Variants in SVEP1 observed in about 807,000 individuals in gnomAD.
The protein encoded by SVEP1 is sushi, von Willebrand factor type A, EGF and pentraxin domain-containing protein 1.
SVEP1 carries 164 observed loss-of-function variants against 367.3 expected under a neutral mutation model. That is an observed-to-expected ratio of 0.45 (90% confidence interval 0.39 to 0.51). The LOEUF (loss-of-function observed/expected upper bound fraction) is 0.51, where lower values mean the gene tolerates loss of function less well. SVEP1 is among the 20% of genes least tolerant of loss of function. The pLI is 0.00. For missense variants in SVEP1, 4,117 were observed against 4,425.3 expected (o/e 0.93, Z 1.98); for synonymous variants, 1,666 against 1,611.6 (o/e 1.03, Z -0.81).
In SVEP1 at chr9:110,448,168, C is replaced by T. The variant is rs575305768; in HGVS notation, c.4104-1111G>A. 9.3e-3 allele frequency among the ~76,000 whole-genome samples: 546 copies of T among 58,734 alleles called. 3 individuals carry two copies. The highest frequency in any genetic ancestry group is 0.012 in the Non-Finnish European group (394 of 33,690). 38.5% of individuals were successfully genotyped at this position (58,734 alleles called of 152,430 possible). A position where few individuals can be genotyped will look rare whatever the true frequency, so the allele number is the denominator to read the frequency against. On this transcript the variant is annotated intron_variant, in intron 24 of 47. Transcript: ENST00000374469. ...GTGTGTGCGCGTGTGTGTGTGCGCGCGCTCGCGCGTGTGTATGCATGTGTC... is the reference window on the plus strand; with the variant it reads ...GTGTGTGCGCGTGTGTGTGTGCGCGTGCTCGCGCGTGTGTATGCATGTGTC...
chr9:110,454,612 G>A (rs1350341976), intron 22 of SVEP1, among the ~76,000 whole-genome samples: 2 of 152,138 alleles, frequency 1.3e-5, no homozygotes, highest in Non-Finnish European at 2.9e-5. Context: ...ATACATCATC[G>A]AATATTATGT....
At chr9:110,519,045 G>C (rs1475147792) in intron 3 of SVEP1, among the ~76,000 whole-genome samples, 3 of 152,170 alleles carry the variant, frequency 2.0e-5, no homozygotes, top group African/African-American at 7.2e-5. Context: ...AGATCAACTA[G>C]TGCCTAGTTT....
chr9:110,389,318 C>A lies in SVEP1; in HGVS notation c.9886+206G>T, dbSNP rs547285918. On this transcript the variant is annotated intron_variant, in intron 41 of 47. Coordinates refer to ENST00000374469, the MANE Select transcript of SVEP1 (RefSeq NM_153366.4). ...GAGTCAGTAATCTTGTGTCCTATTG[C>A]AGTTAATTGTTAATCCCTACTACAG... Among the ~76,000 whole-genome samples the A allele has an allele frequency of 2.0e-4, 31 of 152,200 alleles. No individual in the cohort carries two copies. The Middle Eastern group carries it at 0.02, about 100-fold the overall frequency.
At chr9:110,501,645 A>G (rs1212921856) in intron 6 of SVEP1, among the ~76,000 whole-genome samples, 1 of 152,164 alleles carries the variant, frequency 6.6e-6, no homozygotes, top group Non-Finnish European at 1.5e-5. Context: ...GCCAAATTTG[A>G]TAAGACTGTC....
intron 3 of SVEP1, among the ~76,000 whole-genome samples, chr9:110,518,036 G>C (rs549502901): frequency 6.6e-6 from 1 of 152,236 alleles, no homozygotes; most frequent in East Asian, 1.9e-4. Context: ...ATTCATGAGA[G>C]AATTATCAGG....
intron 12 of SVEP1, among the ~76,000 whole-genome samples, chr9:110,480,887 G>T (rs1008026696): frequency 6.6e-6 from 1 of 151,906 alleles, no homozygotes; most frequent in East Asian, 1.9e-4. Context: ...CTTCCAAAAT[G>T]CTGGGATTAC....
At chr9:110,478,272 C>T (rs893875030) in intron 13 of SVEP1, among the ~76,000 whole-genome samples, 10 of 152,206 alleles carry the variant, frequency 6.6e-5, no homozygotes, top group Admixed American at 2.6e-4. Flanking sequence ...CGCCATCTGA[C>T]ATGCTACATA....
chr9:110,481,078 T>C (rs148917339), intron 12 of SVEP1, among the ~76,000 whole-genome samples, 164 bp downstream of exon 12: 1 of 152,366 alleles, frequency 6.6e-6, no homozygotes, highest in African/African-American at 2.4e-5. Flanking sequence ...TAGTGACTAA[T>C]ATTTTAAATC....
intron 21 of SVEP1, 66 bp downstream of exon 21, chr9:110,457,190 G>C: frequency 7.7e-7 from 1 of 1,303,802 alleles, no homozygotes. Flanking sequence ...ACTAAAGTTT[G>C]ATACTGCAAG....
At chr9:110,564,871 G>A (rs1490261470) in intron 1 of SVEP1, among the ~76,000 whole-genome samples, 1 of 148,354 alleles carries the variant, frequency 6.7e-6, no homozygotes, top group African/African-American at 2.4e-5. Flanking sequence ...CAAATGTGTT[G>A]ACTTTTAAAA....
rs1330898764 is a variant in SVEP1 at position 110,513,105 on chromosome 9, A to C, written c.1124T>G (p.Leu375Arg). Residue 375 changes from leucine (L) to arginine (R), a missense_variant and splice_region_variant, in exon 5 of 48, where the codon CTT becomes CGT. Coordinates refer to ENST00000374469, the MANE Select transcript of SVEP1 (RefSeq NM_153366.4). ...GYRASGQTCE[L>R]VHCPALKPPE... ...AGGCTTCAGGGCAGGGCAGTGGACAACTAACATTTACAAAAATAAAATTGA... is the reference window on the plus strand; with the variant it reads ...AGGCTTCAGGGCAGGGCAGTGGACACCTAACATTTACAAAAATAAAATTGA... 2.5e-6 allele frequency: 4 copies of C among 1,595,216 alleles called. No individual in the cohort carries two copies. The highest frequency in any genetic ancestry group is 3.4e-6 in the Non-Finnish European group (4 of 1,171,352).
In SVEP1 at chr9:110,389,526, T is replaced by C. The variant is rs1421636148; in HGVS notation, c.9884A>G (p.Lys3295Arg). 6.2e-7 allele frequency: 1 copy of C among 1,613,682 alleles called. No individual in the cohort carries two copies. The highest frequency in any genetic ancestry group is 1.7e-5 in the Admixed American group (1 of 59,932). Residue 3295 changes from lysine (K) to arginine (R), a missense_variant and splice_region_variant, in exon 41 of 48, where the codon AAA becomes AGA. Transcript: ENST00000374469. ...RQWSGGVAIC[K>R]ETRCETPLEF... ...CTGCTAAGTGTCATTCAACTCACCTTTGCATATTGCCACCCCTCCACTCCA... is the reference window on the plus strand; with the variant it reads ...CTGCTAAGTGTCATTCAACTCACCTCTGCATATTGCCACCCCTCCACTCCA...
chr9:110,430,698 G>A (rs1010862988), intron 32 of SVEP1, among the ~76,000 whole-genome samples: 8 of 152,236 alleles, frequency 5.3e-5, no homozygotes, highest in African/African-American at 1.9e-4. Context: ...TTTTCTGGCT[G>A]CAAAGGTAGG....
intron 36 of SVEP1, among the ~76,000 whole-genome samples, chr9:110,423,820 A>C (rs1828212654): frequency 6.6e-6 from 1 of 152,322 alleles, no homozygotes; most frequent in African/African-American, 2.4e-5. Flanking sequence ...AGAGACACAA[A>C]CAATTCATCC....
Position 110,386,033 on chromosome 9 carries a change from G to T in SVEP1, c.10102C>A (p.Leu3368Met). 6.2e-7 allele frequency: 1 copy of T among 1,613,760 alleles called. No individual in the cohort carries two copies. The highest frequency in any genetic ancestry group is 2.2e-5 in the East Asian group (1 of 44,866). The change falls in exon 43 of 48, where the codon CTG (leucine) becomes ATG (methionine). Residue 3368 changes from leucine (L) to methionine (M), a missense_variant. By Grantham distance (15) the Leu-to-Met change is conservative. Around this residue, in one of 4 missense-constraint regions of SVEP1, gnomAD observed 1,765 missense variants for 1,781.1 expected, o/e 0.99. Coordinates refer to ENST00000374469, the MANE Select transcript of SVEP1 (RefSeq NM_153366.4). ...PVPFVIPENA[L>M]LSEKEFYVDQ... ...ACATAAAACTCCTTTTCAGACAGCA[G>T]AGCATTCTCGGGAATCACAAAAGGA...
At chr9:110,422,920 T>C (rs1828184246) in intron 36 of SVEP1, among the ~76,000 whole-genome samples, 1 of 108,710 alleles carries the variant, frequency 9.2e-6, no homozygotes, top group African/African-American at 3.9e-5. Context: ...AATTGAACAA[T>C]GAGATCACAT....
At chr9:110,565,644 T>C (rs1334505593) in intron 1 of SVEP1, among the ~76,000 whole-genome samples, 2 of 152,052 alleles carry the variant, frequency 1.3e-5, no homozygotes, top group African/African-American at 2.4e-5. Context: ...ATAAGGGTGG[T>C]CAGCTGGGAT....
chr9:110,375,469 A>AAAAAAC lies in SVEP1; in HGVS notation c.10505-7_10505-6insGTTTTT. The AAAAAAC allele has an allele frequency of 9.2e-7, 1 of 1,082,200 alleles. No homozygotes were observed. The highest frequency in any genetic ancestry group is 1.2e-6 in the Non-Finnish European group (1 of 821,914). 67.0% of individuals were successfully genotyped at this position (1,082,200 alleles called of 1,614,324 possible). ...ACAGGGAAGAATGCAGATTGCTAAAAAAAAAAAAAAAAAAAAAAAAAGGAG... is the reference window on the plus strand; with the variant it reads ...ACAGGGAAGAATGCAGATTGCTAAAAAAAAACAAAAAAAAAAAAAAAAAAAAAGGAG... On this transcript the variant is annotated splice_region_variant and splice_polypyrimidine_tract_variant and intron_variant, in intron 45 of 47. Coordinates refer to ENST00000374469, the MANE Select transcript of SVEP1 (RefSeq NM_153366.4).
chr9:110,561,817 A>G lies in SVEP1; in HGVS notation c.532-11713T>C, dbSNP rs575979056. Among the ~76,000 whole-genome samples, 505 of 152,320 alleles carry G rather than the reference A, an allele frequency of 3.3e-3. 4 individuals carry two copies. The highest frequency in any genetic ancestry group is 9.5e-3 in the African/African-American group (393 of 41,572). ...CTATTTATACTGTAATTTTAAGTCA[A>G]TCACTGTTAGTATGCTTCATTTATT... On this transcript the variant is annotated intron_variant, in intron 1 of 47. Transcript: ENST00000374469.
Sources: allele counts gnomAD v4.1 joint callset (sites outside exome capture counted in the v4.1 genomes callset), GRCh38; gene constraint gnomAD v4.1.1; regional missense constraint gnomAD v4.1.1; transcripts MANE v1.5; gene names NCBI Gene and HGNC (gene_info 2026-07-23, HGNC 2026-07-21).